The following SPHKAP variants were observed in gnomAD, a reference collection of about 807,000 sequenced individuals.
The protein encoded by SPHKAP is SPHK1 interactor, AKAP domain containing.
Under a neutral mutation model 137.5 loss-of-function variants are expected in SPHKAP, and 67 were observed. The ratio of observed to expected loss-of-function variants is 0.49; its 90% CI spans 0.40 to 0.60. The LOEUF (loss-of-function observed/expected upper bound fraction) is 0.60. Ranked by LOEUF, SPHKAP falls within the 20% of genes least tolerant of loss-of-function variation. The pLI is 0.00. For synonymous variants in SPHKAP, 813 were observed against 785.3 expected, an observed-to-expected ratio of 1.04 and a Z score of -0.59; for missense variants, 2,097 against 2,069.3, an observed-to-expected ratio of 1.01 and a Z score of -0.26.
At chr2:228,022,283 T>C (rs1574761408) in intron 5 of SPHKAP, 2 of 733,118 alleles carry the variant, frequency 2.7e-6, no homozygotes, top group Non-Finnish European at 3.3e-6. Flanking sequence ...TTTGAGGCTA[T>C]TAAAATAGGG....
rs149176310 is a variant in SPHKAP, at chr2:228,020,024, G to T, written c.830C>A (p.Pro277His). The change falls in exon 7 of 12, where the codon CCC becomes CAC. Residue 277 changes from proline to histidine, a missense_variant. By Grantham distance (77) the Pro-to-His change is moderately conservative. Transcript: ENST00000392056. ...ALEDKYINKY[P>H]TPLIKTERSP... Reference sequence around the variant, plus strand: ...TCGTTCTGTTTTAATCAATGGTGTGGGATATTTGTTGATGTATTTGTCTTC... The same window carrying T: ...TCGTTCTGTTTTAATCAATGGTGTGTGATATTTGTTGATGTATTTGTCTTC... 4.0e-5 allele frequency: 64 copies of T among 1,614,124 alleles called. No individual in the cohort carries two copies. In the African/African-American group the frequency reaches 5.3e-4, roughly 13 times the overall value.
chr2:228,181,353 C>T lies in SPHKAP; in HGVS notation c.32+214G>A, dbSNP rs1484314344. 2.0e-5 allele frequency among the ~76,000 whole-genome samples: 3 copies of T among 152,164 alleles called. No individual in the cohort carries two copies. Among genetic ancestry groups the T allele is most frequent in the Non-Finnish European group, 4.4e-5 (3 of 68,024 alleles). Reference sequence around the variant, plus strand: ...ACCCGTGCCACTCCAGCGCACAGGCCCCACTCAGCATCGCGCCCTGTGGGG... The same window carrying T: ...ACCCGTGCCACTCCAGCGCACAGGCTCCACTCAGCATCGCGCCCTGTGGGG... On this transcript the variant is annotated intron_variant, in intron 1 of 11. Transcript: ENST00000392056. This position sits in a 1 kb window ranked among gnomAD's most constrained non-coding sequence, Gnocchi z 4.3.
chr2:228,134,750 G>C (rs1699380115), intron 1 of SPHKAP, among the ~76,000 whole-genome samples: 2 of 152,292 alleles, frequency 1.3e-5, no homozygotes, highest in South Asian at 2.1e-4. Flanking sequence ...AGAGAGACAG[G>C]ATGTAGGGTC....
At chr2:228,060,098 T>G (rs983973560) in intron 3 of SPHKAP, among the ~76,000 whole-genome samples, 1 of 152,108 alleles carries the variant, frequency 6.6e-6, no homozygotes, top group African/African-American at 2.4e-5. Context: ...TTTTAACCAC[T>G]ACATCACCAT....
chr2:228,119,660 C>T (rs1698846054), intron 2 of SPHKAP, among the ~76,000 whole-genome samples: 1 of 151,712 alleles, frequency 6.6e-6, no homozygotes, highest in Admixed American at 6.6e-5. Flanking sequence ...TGTGAAATGC[C>T]TATTTAAAGC....
At chr2:228,045,665 G>T (rs1172362545) in intron 3 of SPHKAP, among the ~76,000 whole-genome samples, 1 of 151,810 alleles carries the variant, frequency 6.6e-6, no homozygotes, top group South Asian at 2.1e-4. Context: ...GAGTTAATGG[G>T]TGCAGCACAC....
chr2:228,099,994 C>T (rs1332129599), intron 3 of SPHKAP, among the ~76,000 whole-genome samples: 13 of 152,124 alleles, frequency 8.5e-5, no homozygotes, highest in Non-Finnish European at 1.2e-4. Context: ...GGACTACAGG[C>T]GCCCGCCATC....
chr2:228,043,414 C>A (rs1243558293), intron 3 of SPHKAP, among the ~76,000 whole-genome samples: 2 of 152,180 alleles, frequency 1.3e-5, no homozygotes. Context: ...GCAACCTCTG[C>A]CTTCCAAGTT....
At chr2:228,081,438 T>G (rs968719676) in intron 3 of SPHKAP, among the ~76,000 whole-genome samples, 5 of 152,230 alleles carry the variant, frequency 3.3e-5, no homozygotes, top group Non-Finnish European at 7.3e-5. Context: ...TTTCATATAC[T>G]TTTCGTTCAC....
chr2:228,100,432 G>A (rs938890399), intron 3 of SPHKAP, among the ~76,000 whole-genome samples: 1 of 152,058 alleles, frequency 6.6e-6, no homozygotes, highest in African/African-American at 2.4e-5. Context: ...GTTCTTAAGG[G>A]GAATGCTTCC....
intron 3 of SPHKAP, among the ~76,000 whole-genome samples, chr2:228,082,979 C>T (rs1164728586): frequency 6.6e-6 from 1 of 152,120 alleles, no homozygotes; most frequent in Non-Finnish European, 1.5e-5. Context: ...GATATCATGG[C>T]TCTGTGTTCA....
chr2:228,088,199 T>A (rs1697601606), intron 3 of SPHKAP, among the ~76,000 whole-genome samples: 1 of 152,158 alleles, frequency 6.6e-6, no homozygotes, highest in African/African-American at 2.4e-5. Flanking sequence ...TCTCTATTCT[T>A]TTCTTGGATT....
chr2:228,114,322 T>C (rs1302164782), intron 2 of SPHKAP, among the ~76,000 whole-genome samples: 2 of 152,116 alleles, frequency 1.3e-5, no homozygotes, highest in African/African-American at 4.8e-5. Flanking sequence ...AGAAATTTAG[T>C]ATTGATTAGA....
In SPHKAP at chr2:228,147,539, G is replaced by A. The variant is rs115752646; in HGVS notation, c.33-15454C>T. ...CTGAACATTTCTTATGCCATAAGGT[G>A]TGGTGAAGATACTACTATGCAGAAG... On this transcript the variant is annotated intron_variant, in intron 1 of 11. Transcript: ENST00000392056. Among the ~76,000 whole-genome samples the A allele has an allele frequency of 5.7e-3, 875 of 152,290 alleles. 13 individuals are homozygous for A. Among genetic ancestry groups the A allele is most frequent in the African/African-American group, 0.02 (816 of 41,570 alleles).
At chr2:228,047,924 G>A (rs1696123700) in intron 3 of SPHKAP, among the ~76,000 whole-genome samples, 1 of 152,216 alleles carries the variant, frequency 6.6e-6, no homozygotes, top group Non-Finnish European at 1.5e-5. Context: ...TTTTGAATGA[G>A]TTAATCTAGG....
intron 2 of SPHKAP, among the ~76,000 whole-genome samples, chr2:228,127,653 T>C (rs956149010): frequency 3.9e-5 from 6 of 152,218 alleles, no homozygotes; most frequent in Non-Finnish European, 8.8e-5. Context: ...ATCATCCTTC[T>C]GAGTACCTTC....
At chr2:228,025,151 T>A (rs1694986108) in intron 5 of SPHKAP, among the ~76,000 whole-genome samples, 1 of 152,216 alleles carries the variant, frequency 6.6e-6, no homozygotes, top group African/African-American at 2.4e-5. Flanking sequence ...CTGCTCTAGT[T>A]CAAATACAAC....
At chr2:227,989,496 C>A (rs1004990633) in intron 11 of SPHKAP, among the ~76,000 whole-genome samples, 2 of 152,100 alleles carry the variant, frequency 1.3e-5, no homozygotes, top group African/African-American at 4.8e-5. Context: ...ATCCCTGGGA[C>A]CATGAATAGG....
chr2:227,984,828 C>T (rs1433304619), intron 11 of SPHKAP, among the ~76,000 whole-genome samples: 1 of 152,116 alleles, frequency 6.6e-6, no homozygotes, highest in Non-Finnish European at 1.5e-5. Context: ...TCTAAGGTAT[C>T]CCCAGTAGTC....
Sources: gnomAD v4.1 joint callset for allele counts (sites outside exome capture counted in the v4.1 genomes callset) on GRCh38, gnomAD v4.1.1 for gene constraint, Gnocchi (gnomAD v3.1) non-coding constraint, MANE v1.5 for transcripts, NCBI Gene and HGNC (gene_info 2026-07-23, HGNC 2026-07-21) for gene names.